The following FKBP15 variants were observed in gnomAD, a reference collection of about 807,000 sequenced individuals.
The protein encoded by FKBP15 is FKBP prolyl isomerase family member 15, also known as FK506-binding protein 15.
Under a neutral mutation model 158.1 loss-of-function variants are expected in FKBP15, and 106 were observed. The observed-to-expected ratio is 0.67, with a 90% confidence interval of 0.57 to 0.79. FKBP15 has a LOEUF of 0.79. Ranked by LOEUF, FKBP15 falls within the 30% of genes least tolerant of loss-of-function variation. The probability of loss-of-function intolerance (pLI) is 0.00; values close to 1 mark genes in which losing one functional copy is unlikely to be tolerated. For missense variants in FKBP15, 1,287 were observed against 1,479.1 expected (o/e 0.87, Z 2.13); for synonymous variants, 547 against 548.6 (o/e 1.00, Z 0.04).
chr9:113,210,274 G>A (rs1294243015), intron 2 of FKBP15, among the ~76,000 whole-genome samples: 1 of 151,878 alleles, frequency 6.6e-6, no homozygotes, highest in Non-Finnish European at 1.5e-5. Context: ...ACTTTTGGAA[G>A]GCTGCTAACC....
rs1028053870 is a variant in FKBP15 at position 113,163,425 on chromosome 9, C to T, written c.*2653G>A. The stretch of plus-strand genomic sequence containing the variant: ...TTTTCTCACCTTTCTGCCTTTGGAA[C>T]ACATGAAGATCATCTCGTCTATGGA... On this transcript the variant is annotated 3_prime_UTR_variant, in exon 28 of 28. Transcript: ENST00000238256. 2 of 152,796 alleles carry T rather than the reference C, an allele frequency of 1.3e-5. No individual in the cohort carries two copies. Among genetic ancestry groups the T allele is most frequent in the African/African-American group, 2.4e-5 (1 of 41,462 alleles). 9.5% of individuals were successfully genotyped at this position (152,796 alleles called of 1,614,324 possible). A position where few individuals can be genotyped will look rare whatever the true frequency, so the allele number is the denominator to read the frequency against.
intron 1 of FKBP15, among the ~76,000 whole-genome samples, chr9:113,217,657 T>C (rs1314210050): frequency 2.0e-5 from 3 of 151,960 alleles, no homozygotes; most frequent in African/African-American, 7.3e-5. Flanking sequence ...GCCTGAGCAA[T>C]ATAGCAAGAA....
intron 11 of FKBP15, among the ~76,000 whole-genome samples, chr9:113,193,029 A>G (rs981376637): frequency 6.6e-6 from 1 of 152,250 alleles, no homozygotes; most frequent in African/African-American, 2.4e-5. Context: ...TGAACTCAGC[A>G]CTTTACAAAT....
chr9:113,161,573 C>A lies in FKBP15; in HGVS notation c.*4505G>T. 6.2e-7 allele frequency: 1 copy of A among 1,614,018 alleles called. No homozygotes were observed. Among genetic ancestry groups the A allele is most frequent in the East Asian group, 2.2e-5 (1 of 44,886 alleles). ...TACTGTATGAAGGCATCAAGGTTGG[C>A]AAAGCCAAGCTGCTCAACCAGGTAC... On this transcript the variant is annotated 3_prime_UTR_variant, in exon 28 of 28. Coordinates refer to ENST00000238256, the MANE Select transcript of FKBP15 (RefSeq NM_015258.2).
chr9:113,165,971 G>T lies in FKBP15; in HGVS notation c.*107C>A. 1 of 1,023,794 alleles carries T rather than the reference G, an allele frequency of 9.8e-7. No homozygotes were observed. The highest frequency in any genetic ancestry group is 1.4e-6 in the Non-Finnish European group (1 of 696,986). 63.4% of individuals were successfully genotyped at this position (1,023,794 alleles called of 1,614,324 possible). A position where few individuals can be genotyped will look rare whatever the true frequency, so the allele number is the denominator to read the frequency against. On this transcript the variant is annotated 3_prime_UTR_variant, in exon 28 of 28. Coordinates refer to ENST00000238256, the MANE Select transcript of FKBP15 (RefSeq NM_015258.2). ...TGAGCCCAAATATTGTTCCCAGAATGCTCACCTTGACCTCACCCTGTGGTT... is the reference window on the plus strand; with the variant it reads ...TGAGCCCAAATATTGTTCCCAGAATTCTCACCTTGACCTCACCCTGTGGTT...
At chr9:113,211,740 T>C in intron 1 of FKBP15, 148 bp from the exon 2 acceptor site, 1 of 446,936 alleles carries the variant, frequency 2.2e-6, no homozygotes. Context: ...CTAGGAAAGC[T>C]GATTTAAAAA....
At chr9:113,187,466 T>G in intron 14 of FKBP15, 1 of 236,640 alleles carries the variant, frequency 4.2e-6, no homozygotes, top group Non-Finnish European at 8.5e-6. Flanking sequence ...CCTGCCAACT[T>G]TTAGTAGAAA....
intron 6 of FKBP15, among the ~76,000 whole-genome samples, chr9:113,200,980 G>T (rs896638582): frequency 1.3e-4 from 19 of 150,632 alleles, no homozygotes; most frequent in African/African-American, 4.4e-4. Flanking sequence ...GGAGGCGGAG[G>T]TTGCAGTGAG....
chr9:113,202,005 A>T (rs908067644), intron 6 of FKBP15, among the ~76,000 whole-genome samples: 1 of 152,040 alleles, frequency 6.6e-6, no homozygotes, highest in Non-Finnish European at 1.5e-5. Flanking sequence ...ATTTTCTACA[A>T]TGAGTATGTA....
At chr9:113,215,212 A>G (rs1831094866) in intron 1 of FKBP15, among the ~76,000 whole-genome samples, 1 of 152,186 alleles carries the variant, frequency 6.6e-6, no homozygotes, top group Non-Finnish European at 1.5e-5. Flanking sequence ...ATCTTTGTTT[A>G]CACGCCTTCC....
intron 1 of FKBP15, among the ~76,000 whole-genome samples, chr9:113,218,377 T>TTATA (rs10539484): frequency 0.047 from 4,711 of 100,500 alleles, 141 homozygotes; most frequent in Admixed American, 0.066. Flanking sequence ...GTAAATACAA[T>TTATA]TATATATATA....
intron 6 of FKBP15, among the ~76,000 whole-genome samples, chr9:113,201,559 G>A (rs1830794044): frequency 6.6e-6 from 1 of 152,110 alleles, no homozygotes; most frequent in Non-Finnish European, 1.5e-5. Context: ...TCATGAATGG[G>A]ATTAGGGACC....
Position 113,161,439 on chromosome 9 carries a change from C to A in FKBP15, c.*4639G>T. The A allele has an allele frequency of 7.2e-7, 1 of 1,384,292 alleles. No homozygotes were observed. The highest frequency in any genetic ancestry group is 1.0e-6 in the Non-Finnish European group (1 of 982,426). The allele number at this position is 1,384,292 out of a possible 1,614,324, so 85.8% of individuals were successfully genotyped here. On this transcript the variant is annotated 3_prime_UTR_variant, in exon 28 of 28. Transcript: ENST00000238256. The stretch of plus-strand genomic sequence containing the variant: ...AGGTGGATGGAGTGGATTCCATGAA[C>A]AGGTGGAGGTGCTGGAAGGGAAACA...
At chr9:113,173,713 C>T (rs562717373) in intron 22 of FKBP15, 108 bp from the exon 23 acceptor site, 2 of 1,099,444 alleles carry the variant, frequency 1.8e-6, no homozygotes, top group Admixed American at 4.5e-5. Flanking sequence ...AGCTAACAGC[C>T]CAGATTTAAC....
Position 113,170,467 on chromosome 9 carries a change from C to T in FKBP15, c.2766+55G>A, listed in dbSNP as rs1313753428. On this transcript the variant is annotated intron_variant, in intron 25 of 27. Transcript: ENST00000238256. ...TTTATTCATGATCCCTTAGAAGGTA[C>T]TTAAGCAACAAAATGCCCAATACGA... The T allele has an allele frequency of 2.4e-6, 3 of 1,236,186 alleles. No homozygotes were observed. The African/African-American group carries it at 4.5e-5, about 18-fold the overall frequency. 76.6% of individuals were successfully genotyped at this position (1,236,186 alleles called of 1,614,324 possible).
chr9:113,211,308 G>A (rs1302965512), intron 2 of FKBP15, among the ~76,000 whole-genome samples, 169 bp downstream of exon 2: 2 of 152,096 alleles, frequency 1.3e-5, no homozygotes, highest in Admixed American at 6.5e-5. Flanking sequence ...ACAGGCACAC[G>A]CCACCACACC....
intron 2 of FKBP15, among the ~76,000 whole-genome samples, chr9:113,209,691 C>T (rs4480181): frequency 6.6e-6 from 1 of 152,110 alleles, no homozygotes; most frequent in Non-Finnish European, 1.5e-5. Context: ...TTTTAGCCAG[C>T]ATGATAAGGA....
At chr9:113,213,771 C>T (rs116221340) in intron 1 of FKBP15, among the ~76,000 whole-genome samples, 297 of 152,232 alleles carry the variant, frequency 2.0e-3, no homozygotes, top group Middle Eastern at 6.8e-3. Flanking sequence ...TGACCTTGAA[C>T]TTCTCAGCCT....
Position 113,190,592 on chromosome 9 carries a change from A to G in FKBP15, c.1066-14T>C. 6.3e-7 allele frequency: 1 copy of G among 1,587,250 alleles called. No homozygotes were observed. The highest frequency in any genetic ancestry group is 8.6e-7 in the Non-Finnish European group (1 of 1,163,594). On this transcript the variant is annotated splice_polypyrimidine_tract_variant and intron_variant, in intron 11 of 27. Transcript: ENST00000238256. ...TGCATCGGGACTCTAAAAAGAGAGGAAAGTCACAAAAATCACTGTGATTAA... is the reference window on the plus strand; with the variant it reads ...TGCATCGGGACTCTAAAAAGAGAGGGAAGTCACAAAAATCACTGTGATTAA...
Sources: allele counts gnomAD v4.1 joint callset (sites outside exome capture counted in the v4.1 genomes callset), GRCh38; gene constraint gnomAD v4.1.1; transcripts MANE v1.5; gene names NCBI Gene and HGNC (gene_info 2026-07-23, HGNC 2026-07-21).